FSTL4: variants seen among roughly 807,000 people sequenced by gnomAD.
FSTL4 encodes follistatin like 4, also known as follistatin-related protein 4.
Under a neutral mutation model 78.2 loss-of-function variants are expected in FSTL4, and 28 were observed. That is an observed-to-expected ratio of 0.36 (90% CI 0.27 to 0.49). FSTL4 has a LOEUF of 0.49. FSTL4 is among the 20% of genes least tolerant of loss of function. The pLI is 0.98. For synonymous variants in FSTL4, 422 were observed against 440.5 expected (o/e 0.96, Z 0.53); for missense variants, 922 against 1,084.9 (o/e 0.85, Z 2.11).
chr5:133,206,466 A>G (rs1750508035), intron 14 of FSTL4, among the ~76,000 whole-genome samples: 1 of 152,000 alleles, frequency 6.6e-6, no homozygotes, highest in Non-Finnish European at 1.5e-5. Context: ...GGTTCAAGCG[A>G]TTCTCCTGCC....
the FSTL4 span, among the ~76,000 whole-genome samples, chr5:133,820,988 A>G: frequency 0.068 from 10,332 of 152,332 alleles, 481 homozygotes; most frequent in Admixed American, 0.13. Flanking sequence ...GGGAAGTTAT[A>G]CAAGAAAACA....
chr5:133,263,161 T>A (rs1752570930), intron 6 of FSTL4, among the ~76,000 whole-genome samples: 1 of 152,152 alleles, frequency 6.6e-6, no homozygotes, highest in African/African-American at 2.4e-5. Context: ...GCTGAGAGGC[T>A]GAGGGTTAGG....
chr5:133,635,316 C>T, the FSTL4 span, among the ~76,000 whole-genome samples: 1 of 152,204 alleles, frequency 6.6e-6, no homozygotes, highest in African/African-American at 2.4e-5. Context: ...AGGTAGCCTC[C>T]AGAGAGCACT....
chr5:133,702,135 T>C, the FSTL4 span, among the ~76,000 whole-genome samples: 1 of 152,230 alleles, frequency 6.6e-6, no homozygotes, highest in African/African-American at 2.4e-5. Context: ...ATCACTGCAA[T>C]CTGATTTGAA....
the FSTL4 span, among the ~76,000 whole-genome samples, chr5:133,704,727 G>T: frequency 1.3e-5 from 2 of 152,224 alleles, no homozygotes; most frequent in East Asian, 3.8e-4. Flanking sequence ...CCCCTGGGGT[G>T]TACCCAATGC....
At chr5:133,589,299 A>AAAAAAAAAAAAG (rs1398354967) in intron 2 of FSTL4, among the ~76,000 whole-genome samples, 1 of 88,628 alleles carries the variant, frequency 1.1e-5, no homozygotes, top group East Asian at 4.0e-4. Flanking sequence ...AAAAAAAAAA[A>AAAAAAAAAAAAG]AAGATCAAGG....
At chr5:133,238,846 T>C (rs1041931074) in intron 7 of FSTL4, among the ~76,000 whole-genome samples, 3 of 152,206 alleles carry the variant, frequency 2.0e-5, no homozygotes, top group African/African-American at 7.2e-5. Context: ...CTCGCAGCCC[T>C]TGCTCGCTCT....
At chr5:133,660,985 A>AT in the FSTL4 span, among the ~76,000 whole-genome samples, 7 of 151,592 alleles carry the variant, frequency 4.6e-5, no homozygotes, top group Non-Finnish European at 1.0e-4. Flanking sequence ...TCAAAACTTT[A>AT]TTTTTTTTTA....
chr5:133,618,535 G>C, the FSTL4 span, among the ~76,000 whole-genome samples: 2 of 152,210 alleles, frequency 1.3e-5, no homozygotes, highest in Non-Finnish European at 2.9e-5. Context: ...GCAAAGTGAT[G>C]TCTAACCCAT....
chr5:133,378,176 T>C (rs549871758), intron 4 of FSTL4, among the ~76,000 whole-genome samples: 1 of 151,976 alleles, frequency 6.6e-6, no homozygotes, highest in African/African-American at 2.4e-5. Context: ...CCCCAGATGG[T>C]AATCACATCT....
intron 4 of FSTL4, among the ~76,000 whole-genome samples, chr5:133,390,019 A>C (rs2126960230): frequency 6.6e-6 from 1 of 152,352 alleles, no homozygotes; most frequent in Non-Finnish European, 1.5e-5. Flanking sequence ...ACTGTAGACC[A>C]GGCCTTTGGG....
At chr5:133,628,086 C>G in the FSTL4 span, among the ~76,000 whole-genome samples, 1 of 152,070 alleles carries the variant, frequency 6.6e-6, no homozygotes, top group Non-Finnish European at 1.5e-5. Context: ...ACACAACCTA[C>G]CAGAATCTCT....
chr5:133,637,477 C>T, the FSTL4 span, among the ~76,000 whole-genome samples: 1 of 151,874 alleles, frequency 6.6e-6, no homozygotes, highest in Non-Finnish European at 1.5e-5. Flanking sequence ...GAAAAATGTC[C>T]CTGTGCTCAT....
chr5:133,451,873 A>G (rs1757390897), intron 3 of FSTL4, among the ~76,000 whole-genome samples: 1 of 152,216 alleles, frequency 6.6e-6, no homozygotes. Context: ...CCACCAAGGG[A>G]AGAGAGCATC....
At chr5:133,382,751 C>T (rs75372088) in intron 4 of FSTL4, among the ~76,000 whole-genome samples, 2,659 of 152,278 alleles carry the variant, frequency 0.017, 64 homozygotes, top group African/African-American at 0.061. Context: ...TAGTAGCTTG[C>T]ACCATGTAAT....
chr5:133,538,095 A>G (rs1759389739), intron 3 of FSTL4, among the ~76,000 whole-genome samples: 1 of 149,192 alleles, frequency 6.7e-6, no homozygotes, highest in Admixed American at 6.8e-5. Context: ...TTTGTCAATT[A>G]TCCCAATAAT....
chr5:133,783,997 C>T, the FSTL4 span, among the ~76,000 whole-genome samples: 1 of 152,026 alleles, frequency 6.6e-6, no homozygotes, highest in Non-Finnish European at 1.5e-5. Flanking sequence ...TGGTTCAAAC[C>T]CTGCCTCCTC....
chr5:133,546,320 A>T (rs1366212270), intron 3 of FSTL4, among the ~76,000 whole-genome samples: 1 of 151,982 alleles, frequency 6.6e-6, no homozygotes, highest in African/African-American at 2.4e-5. Flanking sequence ...CAGCCTGGCC[A>T]CACGGTGAAA....
the FSTL4 span, among the ~76,000 whole-genome samples, chr5:133,748,846 AAGAGAG>A: frequency 7.3e-5 from 11 of 150,994 alleles, no homozygotes; most frequent in Non-Finnish European, 1.5e-4. Context: ...AGAAGGCAGA[AAGAGAG>A]AGAGAGCGTT....
Sources: gnomAD v4.1 joint callset for allele counts (sites outside exome capture counted in the v4.1 genomes callset) on GRCh38, gnomAD v4.1.1 for gene constraint, MANE v1.5 for transcripts, NCBI Gene and HGNC (gene_info 2026-07-23, HGNC 2026-07-21) for gene names.